The following CDH13 variants were observed in gnomAD, a reference collection of about 807,000 sequenced individuals.
The protein encoded by CDH13 is cadherin-13.
CDH13 carries 24 observed loss-of-function variants against 63.8 expected under a neutral mutation model. The observed-to-expected ratio is 0.38, with a 90% CI of 0.27 to 0.53. The LOEUF (loss-of-function observed/expected upper bound fraction) is 0.53. CDH13 is among the 20% of genes least tolerant of loss of function. The pLI is 0.85. For missense variants in CDH13, 1,049 were observed against 903.1 expected (o/e 1.16, Z -2.07); for synonymous variants, 503 against 355.3 (o/e 1.42, Z -4.67).
intron 4 of CDH13, among the ~76,000 whole-genome samples, chr16:83,189,954 G>C (rs540436009): frequency 6.6e-6 from 1 of 152,136 alleles, no homozygotes; most frequent in East Asian, 1.9e-4. Context: ...AAGCTCTCTT[G>C]CCTGCCCCCA....
chr16:82,646,017 A>C (rs1910051676), intron 1 of CDH13, among the ~76,000 whole-genome samples: 1 of 152,250 alleles, frequency 6.6e-6, no homozygotes, highest in African/African-American at 2.4e-5. Context: ...AAAGTTGACC[A>C]CTTAAGTGGT....
chr16:83,208,852 T>C (rs1414991405), intron 4 of CDH13, among the ~76,000 whole-genome samples: 1 of 152,146 alleles, frequency 6.6e-6, no homozygotes. Context: ...AGGGAAAGGG[T>C]ACTAGAATTT....
intron 12 of CDH13, among the ~76,000 whole-genome samples, chr16:83,781,230 T>C (rs779854515): frequency 3.3e-5 from 5 of 152,202 alleles, no homozygotes; most frequent in Non-Finnish European, 5.9e-5. Flanking sequence ...AACATATTAA[T>C]ATGGAGTATC....
At chr16:82,782,669 C>A (rs1035667026) in intron 1 of CDH13, among the ~76,000 whole-genome samples, 2 of 152,158 alleles carry the variant, frequency 1.3e-5, no homozygotes, top group African/African-American at 4.8e-5. Flanking sequence ...GGCACAGACA[C>A]TTAATTATGC....
At chr16:82,980,206 G>C (rs1910078696) in intron 2 of CDH13, among the ~76,000 whole-genome samples, 1 of 152,158 alleles carries the variant, frequency 6.6e-6, no homozygotes, top group African/African-American at 2.4e-5. Flanking sequence ...CTTCCTTTGA[G>C]AGATACAGCC....
chr16:83,569,305 A>T (rs62040172), intron 7 of CDH13, among the ~76,000 whole-genome samples: 1 of 151,880 alleles, frequency 6.6e-6, no homozygotes, highest in Non-Finnish European at 1.5e-5. Flanking sequence ...GCACTCCACC[A>T]TGTTGGCATG....
intron 2 of CDH13, among the ~76,000 whole-genome samples, chr16:82,963,906 C>T (rs764087132): frequency 1.3e-5 from 2 of 152,260 alleles, no homozygotes; most frequent in East Asian, 1.9e-4. Context: ...GAATAGAGAC[C>T]CCCAGCCTGC....
chr16:82,662,095 T>G (rs772869727), intron 1 of CDH13, among the ~76,000 whole-genome samples: 1 of 152,178 alleles, frequency 6.6e-6, no homozygotes, highest in Non-Finnish European at 1.5e-5. Context: ...AAATAAATGG[T>G]AGTATGTCCA....
At chr16:82,918,587 G>C (rs13335927) in intron 2 of CDH13, among the ~76,000 whole-genome samples, 7,771 of 150,082 alleles carry the variant, frequency 0.052, 630 homozygotes, top group African/African-American at 0.18. Flanking sequence ...CCGATCCCTG[G>C]AACTTCTGCC....
At chr16:83,214,199 G>C (rs1185388488) in intron 4 of CDH13, among the ~76,000 whole-genome samples, 1 of 152,064 alleles carries the variant, frequency 6.6e-6, no homozygotes, top group Non-Finnish European at 1.5e-5. Context: ...ACAGAGAAGA[G>C]GTGAGTGTGC....
At chr16:82,654,671 G>A (rs1448636581) in intron 1 of CDH13, among the ~76,000 whole-genome samples, 1 of 152,084 alleles carries the variant, frequency 6.6e-6, no homozygotes, top group African/African-American at 2.4e-5. Context: ...ATCCTTAGGG[G>A]ATGGGGCCGT....
chr16:83,333,211 T>C (rs2090515165), intron 5 of CDH13, among the ~76,000 whole-genome samples: 1 of 152,048 alleles, frequency 6.6e-6, no homozygotes, highest in Non-Finnish European at 1.5e-5. Flanking sequence ...ATAAGTGAAA[T>C]AAAACTAAGA....
intron 5 of CDH13, among the ~76,000 whole-genome samples, chr16:83,321,764 G>A (rs148217242): frequency 8.7e-4 from 133 of 152,170 alleles, no homozygotes; most frequent in African/African-American, 3.1e-3. Context: ...TCCTGACCTC[G>A]TAATCTGCCT....
At chr16:82,936,847 C>T (rs978956881) in intron 2 of CDH13, among the ~76,000 whole-genome samples, 25 of 152,004 alleles carry the variant, frequency 1.6e-4, no homozygotes, top group African/African-American at 5.1e-4. Context: ...AGGTACACTT[C>T]GCCCAACCAT....
At chr16:82,945,881 T>G (rs1269395597) in intron 2 of CDH13, among the ~76,000 whole-genome samples, 1 of 152,182 alleles carries the variant, frequency 6.6e-6, no homozygotes, top group Admixed American at 6.5e-5. Flanking sequence ...CTGAGTCATT[T>G]CCTAGGGACA....
chr16:83,180,912 G>A (rs1256218512), intron 4 of CDH13: 2 of 1,531,606 alleles, frequency 1.3e-6, no homozygotes, highest in South Asian at 2.4e-5. Context: ...CTTGAATGAA[G>A]GCATTACAGC....
intron 1 of CDH13, among the ~76,000 whole-genome samples, chr16:82,792,827 G>A (rs1008263576): frequency 3.3e-5 from 5 of 152,226 alleles, no homozygotes; most frequent in African/African-American, 7.2e-5. Flanking sequence ...TCCAGGCTGC[G>A]TGACATCATT....
intron 7 of CDH13, among the ~76,000 whole-genome samples, chr16:83,538,096 T>G (rs1471329420): frequency 2.0e-5 from 3 of 152,206 alleles, no homozygotes; most frequent in African/African-American, 7.2e-5. Context: ...GCCAGACACT[T>G]GAAGCAATCT....
At chr16:82,821,788 T>C (rs746177614) in intron 1 of CDH13, among the ~76,000 whole-genome samples, 2 of 152,112 alleles carry the variant, frequency 1.3e-5, no homozygotes, top group Non-Finnish European at 2.9e-5. Flanking sequence ...GAACCTCAAA[T>C]GAAGTGTAGG....
Sources: allele counts gnomAD v4.1 joint callset (sites outside exome capture counted in the v4.1 genomes callset), GRCh38; gene constraint gnomAD v4.1.1; transcripts MANE v1.5; gene names NCBI Gene and HGNC (gene_info 2026-07-23, HGNC 2026-07-21).